PELI2: variants seen among roughly 807,000 people sequenced by gnomAD.
The protein encoded by PELI2 is pellino E3 ubiquitin protein ligase family member 2, also known as E3 ubiquitin-protein ligase pellino homolog 2.
In PELI2, 23 loss-of-function variants were observed where a neutral mutation model predicts 42.3. That is an observed-to-expected ratio of 0.54 (90% confidence interval 0.39 to 0.77). The LOEUF is 0.77. Among genes scored for constraint, PELI2 ranks in the 30% least tolerant of loss-of-function variants. The probability of loss-of-function intolerance (pLI) is 0.00; values close to 1 mark genes in which losing one functional copy is unlikely to be tolerated. For missense variants in PELI2, 463 were observed against 553.2 expected, an observed-to-expected ratio of 0.84 and a Z score of 1.64; for synonymous variants, 245 against 212.2, an observed-to-expected ratio of 1.15 and a Z score of -1.34.
chr14:56,244,855 T>C (rs1436384164), intron 2 of PELI2, among the ~76,000 whole-genome samples: 1 of 152,226 alleles, frequency 6.6e-6, no homozygotes, highest in Non-Finnish European at 1.5e-5. Context: ...GCATATTGCA[T>C]AGGCTTTTCT....
At chr14:56,204,969 G>A (rs1291303114) in intron 2 of PELI2, among the ~76,000 whole-genome samples, 1 of 149,918 alleles carries the variant, frequency 6.7e-6, no homozygotes, top group Admixed American at 6.7e-5. Context: ...GGCGGAGGGT[G>A]CAGTGAGCCG....
At chr14:56,245,372 G>T (rs546515445) in intron 2 of PELI2, among the ~76,000 whole-genome samples, 14 of 152,180 alleles carry the variant, frequency 9.2e-5, no homozygotes, top group African/African-American at 3.4e-4. Context: ...AGATTGTGCT[G>T]ATATGGAATA....
chr14:56,247,935 T>C (rs1277512287), intron 2 of PELI2, among the ~76,000 whole-genome samples: 1 of 152,200 alleles, frequency 6.6e-6, no homozygotes, highest in African/African-American at 2.4e-5. Context: ...AAACGACAGA[T>C]GTCTATACTT....
chr14:56,261,668 A>T lies in PELI2; in HGVS notation c.208-18008A>T, dbSNP rs547946383. 2.6e-5 allele frequency among the ~76,000 whole-genome samples: 4 copies of T among 152,360 alleles called. No homozygotes were observed. The South Asian group carries it at 8.3e-4, about 32-fold the overall frequency. The stretch of plus-strand genomic sequence containing the variant: ...TCAGTTTCCTTATTTTACAAAATGG[A>T]GATAACAATATTCACCTCATGGTGG... On this transcript the variant is annotated intron_variant, in intron 2 of 5. Transcript: ENST00000267460.
intron 2 of PELI2, among the ~76,000 whole-genome samples, chr14:56,198,010 A>C (rs61066323): frequency 0.077 from 8,776 of 114,236 alleles, 592 homozygotes; most frequent in African/African-American, 0.19. Flanking sequence ...ACACACACAC[A>C]CACCCACCTC....
At chr14:56,159,985 T>C (rs187592951) in intron 1 of PELI2, among the ~76,000 whole-genome samples, 2 of 151,968 alleles carry the variant, frequency 1.3e-5, no homozygotes, top group Non-Finnish European at 2.9e-5. Context: ...TTAGATAATA[T>C]AGTTCTTTTC....
intron 1 of PELI2, among the ~76,000 whole-genome samples, chr14:56,147,362 G>T (rs561009460): frequency 3.0e-4 from 46 of 152,262 alleles, no homozygotes; most frequent in African/African-American, 1.1e-3. Context: ...CCATCTTACT[G>T]AGTTTATTGT....
At chr14:56,229,561 A>C (rs1368438911) in intron 2 of PELI2, among the ~76,000 whole-genome samples, 1 of 152,216 alleles carries the variant, frequency 6.6e-6, no homozygotes, top group Non-Finnish European at 1.5e-5. Flanking sequence ...TAACAAACAG[A>C]AAGGACATCC....
At chr14:56,119,087 G>T (rs1336698339) in intron 1 of PELI2, 6 of 154,662 alleles carry the variant, frequency 3.9e-5, no homozygotes, top group Admixed American at 2.0e-4. Flanking sequence ...CGTCCGGGCC[G>T]GGGAGGGCGG....
intron 2 of PELI2, among the ~76,000 whole-genome samples, chr14:56,257,212 G>A (rs1888556570): frequency 6.6e-6 from 1 of 152,126 alleles, no homozygotes; most frequent in African/African-American, 2.4e-5. Flanking sequence ...GCTAGGAAAT[G>A]TTCTAGGTAT....
chr14:56,128,709 G>A (rs4901638), intron 1 of PELI2, among the ~76,000 whole-genome samples: 1 of 151,584 alleles, frequency 6.6e-6, no homozygotes, highest in Non-Finnish European at 1.5e-5. Context: ...AGTCAGGTTG[G>A]GGTATTGTTG....
intron 2 of PELI2, among the ~76,000 whole-genome samples, chr14:56,228,067 A>G (rs1447903114): frequency 6.6e-6 from 1 of 152,246 alleles, no homozygotes; most frequent in African/African-American, 2.4e-5. Context: ...TACGTAGTAC[A>G]ATGCTTTAAT....
chr14:56,262,833 C>T (rs868771335), intron 2 of PELI2, among the ~76,000 whole-genome samples: 1 of 152,162 alleles, frequency 6.6e-6, no homozygotes, highest in African/African-American at 2.4e-5. Flanking sequence ...ATCATATTCT[C>T]TACCAAATAC....
chr14:56,167,026 T>G (rs1884990401), intron 1 of PELI2, among the ~76,000 whole-genome samples: 1 of 152,130 alleles, frequency 6.6e-6, no homozygotes, highest in Non-Finnish European at 1.5e-5. Flanking sequence ...CCTGACCTCA[T>G]GATCCGCCCG....
intron 2 of PELI2, among the ~76,000 whole-genome samples, chr14:56,247,241 G>C (rs1286172739): frequency 1.3e-5 from 2 of 152,136 alleles, no homozygotes; most frequent in Non-Finnish European, 2.9e-5. Context: ...TGTATACAAT[G>C]CTTAAACTAC....
chr14:56,225,514 G>A (rs964312298), intron 2 of PELI2, among the ~76,000 whole-genome samples: 2 of 152,176 alleles, frequency 1.3e-5, no homozygotes, highest in African/African-American at 2.4e-5. Flanking sequence ...GGCCCACGTT[G>A]GGCTGAATGG....
Position 56,290,435 on chromosome 14 carries a change from G to A in PELI2, c.675G>A (p.Ser225=), listed in dbSNP as rs781707433. 14 of 1,603,310 alleles carry A rather than the reference G, an allele frequency of 8.7e-6. No homozygotes were observed. The highest frequency in any genetic ancestry group is 1.1e-5 in the South Asian group (1 of 90,230). Residue 225 remains serine, a synonymous_variant, in exon 5 of 6, where the codon TCG becomes TCA. Transcript: ENST00000267460. The stretch of plus-strand genomic sequence containing the variant: ...TGTACACCTTGCGAGAAACCAGGTC[G>A]GCCCAGCAACGAGGAAAGCTGGTGA... ...GDVYTLRETR[S]AQQRGKLVES... is the part of the protein sequence containing the mutation.
At chr14:56,249,212 C>T (rs772853538) in intron 2 of PELI2, among the ~76,000 whole-genome samples, 13 of 151,482 alleles carry the variant, frequency 8.6e-5, no homozygotes, top group Non-Finnish European at 1.5e-4. Flanking sequence ...AAAATTCAAG[C>T]GGTATTGAGC....
chr14:56,141,040 C>T (rs886456444), intron 1 of PELI2, among the ~76,000 whole-genome samples: 1 of 152,104 alleles, frequency 6.6e-6, no homozygotes, highest in African/African-American at 2.4e-5. Flanking sequence ...TAAAAATAGT[C>T]GTTTTGTCTG....
Sources: gnomAD v4.1 joint callset for allele counts (sites outside exome capture counted in the v4.1 genomes callset) on GRCh38, gnomAD v4.1.1 for gene constraint, MANE v1.5 for transcripts, NCBI Gene and HGNC (gene_info 2026-07-23, HGNC 2026-07-21) for gene names.